The following NLGN4X variants were observed in gnomAD, a reference collection of about 807,000 sequenced individuals.
The protein encoded by NLGN4X is neuroligin-4, X-linked.
In NLGN4X, 3 loss-of-function variants were observed where a neutral mutation model predicts 40.3. The ratio of observed to expected loss-of-function variants is 0.07; its 90% CI spans 0.03 to 0.19. The LOEUF (loss-of-function observed/expected upper bound fraction) is 0.19, where lower values mean the gene tolerates loss of function less well. NLGN4X is among the 10% of genes least tolerant of loss of function. The pLI is 1.00. For synonymous variants in NLGN4X, 270 were observed against 306.8 expected (o/e 0.88, Z 1.25); for missense variants, 382 against 708.3 (o/e 0.54, Z 5.23).
At chrX:5,909,827 G>T (rs1425958584) in intron 3 of NLGN4X, among the ~76,000 whole-genome samples, 3 of 110,888 alleles carry the variant, frequency 2.7e-5, no homozygotes, top group Non-Finnish European at 5.7e-5. Context: ...CTCGTAAATA[G>T]TATACACCTC....
chrX:6,023,987 GAAC>G (rs777296655), intron 3 of NLGN4X, among the ~76,000 whole-genome samples: 49 of 108,948 alleles, frequency 4.5e-4, no homozygotes, highest in Non-Finnish European at 8.7e-4. Context: ...GGACTATCAT[GAAC>G]AACAACAACA....
At chrX:6,140,708 G>C (rs1242935368) in intron 2 of NLGN4X, among the ~76,000 whole-genome samples, 1 of 107,542 alleles carries the variant, frequency 9.3e-6, no homozygotes, top group East Asian at 2.9e-4. Context: ...CCCTCAAGTA[G>C]CTGGGACTAC....
intron 1 of NLGN4X, among the ~76,000 whole-genome samples, chrX:6,160,303 T>A (rs988638535): frequency 9.0e-6 from 1 of 111,199 alleles, no homozygotes; most frequent in African/African-American, 3.3e-5. Flanking sequence ...ATAAAATATG[T>A]TTTCCAACAC....
chrX:5,977,410 T>G (rs996953121), intron 3 of NLGN4X, among the ~76,000 whole-genome samples: 2 of 109,529 alleles, frequency 1.8e-5, no homozygotes, highest in Non-Finnish European at 1.9e-5. Flanking sequence ...TTTTTAGAGA[T>G]GGGGTCTCAC....
chrX:5,914,163 TCA>T (rs773211523), intron 3 of NLGN4X, among the ~76,000 whole-genome samples: 4 of 112,369 alleles, frequency 3.6e-5, no homozygotes, highest in African/African-American at 9.7e-5. Flanking sequence ...AAAATAGGAA[TCA>T]CAGTTTTTCC....
intron 1 of NLGN4X, among the ~76,000 whole-genome samples, chrX:6,213,052 G>A (rs1349451103): frequency 1.8e-5 from 2 of 109,418 alleles, no homozygotes; most frequent in Non-Finnish European, 3.8e-5. Context: ...CCCACTTTAG[G>A]GACTTGGTTT....
intron 1 of NLGN4X, among the ~76,000 whole-genome samples, chrX:6,223,460 C>A (rs148957282): frequency 1.6e-4 from 18 of 112,274 alleles, no homozygotes; most frequent in African/African-American, 4.8e-4. Context: ...GCCTTTTCAT[C>A]TATACATTTA....
At chrX:6,123,011 TA>T (rs376807252) in intron 2 of NLGN4X, among the ~76,000 whole-genome samples, 65 of 98,732 alleles carry the variant, frequency 6.6e-4, no homozygotes, top group African/African-American at 2.3e-3. Context: ...ACCAGTCCTA[TA>T]AAAAAAAATG....
chrX:6,102,639 G>C (rs868246541), intron 2 of NLGN4X, among the ~76,000 whole-genome samples: 2 of 61,519 alleles, frequency 3.3e-5, no homozygotes, highest in African/African-American at 1.3e-4. Context: ...AGGATTGATA[G>C]ATATATACAT....
At chrX:6,002,229 A>C (rs1433204170) in intron 3 of NLGN4X, among the ~76,000 whole-genome samples, 1 of 112,120 alleles carries the variant, frequency 8.9e-6, no homozygotes, top group Non-Finnish European at 1.9e-5. Flanking sequence ...GGAGTGCTGA[A>C]CACAGCCTCC....
At chrX:6,057,985 T>C (rs927540782) in intron 2 of NLGN4X, among the ~76,000 whole-genome samples, 1 of 111,710 alleles carries the variant, frequency 9.0e-6, no homozygotes, top group Non-Finnish European at 1.9e-5. Flanking sequence ...ACTTCATACA[T>C]GGGGTAATGA....
chrX:5,980,480 T>C (rs1227787594), intron 3 of NLGN4X, among the ~76,000 whole-genome samples: 2 of 109,928 alleles, frequency 1.8e-5, no homozygotes, highest in Non-Finnish European at 3.8e-5. Flanking sequence ...TTTTTCTTTT[T>C]TTTTTTTTTC....
chrX:6,087,684 C>T (rs1460664813), intron 2 of NLGN4X, among the ~76,000 whole-genome samples: 1 of 111,880 alleles, frequency 8.9e-6, no homozygotes, highest in African/African-American at 3.2e-5. Flanking sequence ...TCTTCTAAAA[C>T]TCTACTTCAA....
chrX:6,036,596 A>G (rs1462409382), intron 2 of NLGN4X, among the ~76,000 whole-genome samples: 2 of 87,788 alleles, frequency 2.3e-5, no homozygotes, highest in Non-Finnish European at 4.4e-5. Flanking sequence ...GAATAAACCC[A>G]GCTTGTGGCT....
At chrX:5,932,814 G>A (rs1246745569) in intron 3 of NLGN4X, among the ~76,000 whole-genome samples, 1 of 110,689 alleles carries the variant, frequency 9.0e-6, no homozygotes, top group Non-Finnish European at 1.9e-5. Context: ...AAAATACAGA[G>A]GAAGAACTAA....
chrX:5,969,323 C>A (rs144035246), intron 3 of NLGN4X, among the ~76,000 whole-genome samples: 7,592 of 110,928 alleles, frequency 0.068, 631 homozygotes, highest in African/African-American at 0.23. Flanking sequence ...CAACAAATTT[C>A]CAAGAAAAAA....
In NLGN4X at chrX:5,895,950, C is replaced by T. The variant is rs188536992; in HGVS notation, c.1602-2284G>A. Among the ~76,000 whole-genome samples the T allele has an allele frequency of 4.0e-3, 448 of 111,293 alleles. 3 individuals are homozygous for T. The highest frequency in any genetic ancestry group is 0.014 in the African/African-American group (426 of 30,680). On this transcript the variant is annotated intron_variant, in intron 5 of 5. Coordinates refer to ENST00000381095, the MANE Select transcript of NLGN4X (RefSeq NM_181332.3). Reference sequence around the variant, plus strand: ...AATTTTAAAATTTTCAGTTATTTAACGTGTACTGAAAGAAAAATAAGTGAA... The same window carrying T: ...AATTTTAAAATTTTCAGTTATTTAATGTGTACTGAAAGAAAAATAAGTGAA...
chrX:6,066,456 TCA>T (rs1176016213), intron 2 of NLGN4X, among the ~76,000 whole-genome samples: 5 of 112,104 alleles, frequency 4.5e-5, no homozygotes, highest in African/African-American at 1.6e-4. Flanking sequence ...ACATTCCCTT[TCA>T]CAGTTTCGAT....
At chrX:6,133,977 CTTAT>C (rs1292804167) in intron 2 of NLGN4X, among the ~76,000 whole-genome samples, 2 of 111,497 alleles carry the variant, frequency 1.8e-5, no homozygotes, top group Non-Finnish European at 3.8e-5. Context: ...AATAAAAGGG[CTTAT>C]TTGTGTTCCA....
Sources: gnomAD v4.1 joint callset for allele counts (sites outside exome capture counted in the v4.1 genomes callset) on GRCh38, gnomAD v4.1.1 for gene constraint, MANE v1.5 for transcripts, NCBI Gene and HGNC (gene_info 2026-07-23, HGNC 2026-07-21) for gene names.